ARHGAP36: variants seen among roughly 807,000 people sequenced by gnomAD.
ARHGAP36 encodes rho GTPase-activating protein 36.
A neutral mutation model predicts 32.9 loss-of-function variants in ARHGAP36; 7 were observed. The observed-to-expected ratio is 0.21, with a 90% CI of 0.12 to 0.40. The LOEUF (loss-of-function observed/expected upper bound fraction) is 0.40, where lower values mean the gene tolerates loss of function less well. Among genes scored for constraint, ARHGAP36 ranks in the 10% least tolerant of loss-of-function variants. The pLI is 1.00. For missense variants in ARHGAP36, 383 were observed against 442.2 expected, an observed-to-expected ratio of 0.87 and a Z score of 1.20; for synonymous variants, 165 against 168.3, an observed-to-expected ratio of 0.98 and a Z score of 0.15.
At chrX:131,058,823 G>C (rs2079654674) in intron 1 of ARHGAP36, among the ~76,000 whole-genome samples, 2 of 113,309 alleles carry the variant, frequency 1.8e-5, no homozygotes, top group Admixed American at 1.8e-4. Flanking sequence ...CAGGCCCCAG[G>C]GACCCTGAAG....
At chrX:131,066,031 G>GC (rs1304381558) in intron 1 of ARHGAP36, among the ~76,000 whole-genome samples, 7 of 111,047 alleles carry the variant, frequency 6.3e-5, no homozygotes, top group East Asian at 5.7e-4. Context: ...ATGACATCAT[G>GC]CCCCCCCATA....
chrX:131,076,776 C>T (rs926151265), intron 1 of ARHGAP36, among the ~76,000 whole-genome samples: 2 of 112,117 alleles, frequency 1.8e-5, no homozygotes, highest in Admixed American at 1.9e-4. Flanking sequence ...TCTCTGTGAG[C>T]CTCAGTTTTC....
chrX:131,082,936 T>A (rs960533811), intron 2 of ARHGAP36, among the ~76,000 whole-genome samples: 6 of 112,977 alleles, frequency 5.3e-5, no homozygotes, highest in Non-Finnish European at 1.1e-4. Flanking sequence ...GCGCATTAGA[T>A]TGTCTGGTTT....
intron 1 of ARHGAP36, among the ~76,000 whole-genome samples, chrX:131,077,144 G>A (rs1439656203): frequency 8.9e-6 from 1 of 112,617 alleles, no homozygotes; most frequent in Non-Finnish European, 1.9e-5. Flanking sequence ...TAATGTGTCA[G>A]CAGACCAAAC....
At chrX:131,061,742 T>C (rs2079670141) in intron 1 of ARHGAP36, among the ~76,000 whole-genome samples, 1 of 111,099 alleles carries the variant, frequency 9.0e-6, no homozygotes, top group African/African-American at 3.3e-5. Context: ...TGGCAGGACT[T>C]CCCCAATTTT....
At chrX:131,083,683 A>G in intron 3 of ARHGAP36, 51 bp from the exon 4 acceptor site, 1 of 1,145,073 alleles carries the variant, frequency 8.7e-7, no homozygotes, top group Non-Finnish European at 1.2e-6. Flanking sequence ...CTCCTGATTT[A>G]AGCGCTGCGA....
chrX:131,078,903 T>A, intron 1 of ARHGAP36: 1 of 301,075 alleles, frequency 3.3e-6, no homozygotes, highest in Non-Finnish European at 5.7e-6. Context: ...GGCTGACTCA[T>A]CTCTCAAAGG....
intron 11 of ARHGAP36, among the ~76,000 whole-genome samples, chrX:131,088,381 C>G (rs1246160330): frequency 8.9e-6 from 1 of 112,116 alleles, no homozygotes; most frequent in Non-Finnish European, 1.9e-5. Context: ...CGCAGGGTAT[C>G]TGTCTTACTC....
intron 1 of ARHGAP36, among the ~76,000 whole-genome samples, chrX:131,070,238 A>G (rs1209237401): frequency 1.8e-5 from 2 of 112,597 alleles, no homozygotes; most frequent in African/African-American, 6.4e-5. Context: ...GCAACTAAGA[A>G]GAAAGCCTCT....
chrX:131,058,980 G>C (rs2079655165), intron 1 of ARHGAP36, among the ~76,000 whole-genome samples: 1 of 112,325 alleles, frequency 8.9e-6, no homozygotes, highest in Non-Finnish European at 1.9e-5. Context: ...CCTGCCCAAG[G>C]TTACCCAACA....
At chrX:131,068,891 C>T (rs2079716973) in intron 1 of ARHGAP36, among the ~76,000 whole-genome samples, 1 of 111,716 alleles carries the variant, frequency 9.0e-6, no homozygotes, top group South Asian at 3.8e-4. Context: ...AATCCCCGAC[C>T]CCGCGCTGGA....
intron 1 of ARHGAP36, among the ~76,000 whole-genome samples, chrX:131,079,098 C>T (rs1169219590): frequency 8.9e-6 from 1 of 111,848 alleles, no homozygotes; most frequent in African/African-American, 3.3e-5. Context: ...AACTCCAAAA[C>T]AGGTACAAAA....
At chrX:131,069,705 G>A (rs1248524086) in intron 1 of ARHGAP36, among the ~76,000 whole-genome samples, 1 of 111,443 alleles carries the variant, frequency 9.0e-6, no homozygotes. Context: ...CCAATGATTT[G>A]GTGATGCCAT....
intron 11 of ARHGAP36, among the ~76,000 whole-genome samples, chrX:131,088,312 G>T (rs1368986113): frequency 4.5e-5 from 5 of 112,123 alleles, no homozygotes. Flanking sequence ...GGTGGTGGTG[G>T]TTATTAGGAG....
In ARHGAP36 at chrX:131,082,223, G is replaced by A. The variant is rs149225623; in HGVS notation, c.253+305G>A. ...GCCGGTGAAGAGACAGCCGCAGCAG[G>A]TGCGGTGCGAGAATAGGGCAGAGCG... On this transcript the variant is annotated intron_variant, in intron 2 of 11. Transcript: ENST00000276211. 9.0e-3 allele frequency among the ~76,000 whole-genome samples: 1,017 copies of A among 112,440 alleles called. 4 individuals carry two copies. The highest frequency in any genetic ancestry group is 0.014 in the Non-Finnish European group (771 of 53,191).
intron 11 of ARHGAP36, among the ~76,000 whole-genome samples, chrX:131,088,342 C>G (rs2079846792): frequency 8.9e-6 from 1 of 112,109 alleles, no homozygotes; most frequent in Admixed American, 9.4e-5. Context: ...TTACCTGTCT[C>G]CCTGGTGGTA....
rs774023708 is a variant in ARHGAP36 at position 131,083,278 on chromosome X, C to A, written c.319+48C>A. 20 of 1,148,216 alleles carry A rather than the reference C, an allele frequency of 1.7e-5. No homozygotes were observed. In the Admixed American group the frequency reaches 2.3e-4, roughly 13 times the overall value. 94.6% of individuals were successfully genotyped at this position (1,148,216 alleles called of 1,213,427 possible). A position where few individuals can be genotyped will look rare whatever the true frequency, so the allele number is the denominator to read the frequency against. ...TTTAGAAAAGAAATAGAATGCTAAC[C>A]CCCTGTGTAGTGTGGCCCTGGCTAT... is the stretch of plus-strand genomic sequence containing the variant. On this transcript the variant is annotated intron_variant, in intron 3 of 11. Transcript: ENST00000276211.
chrX:131,059,590 G>T (rs918054671), intron 1 of ARHGAP36, among the ~76,000 whole-genome samples: 8 of 111,741 alleles, frequency 7.2e-5, no homozygotes, highest in Admixed American at 1.9e-4. Flanking sequence ...ACCATCCCAG[G>T]AGTTTGACCT....
At chrX:131,084,103 C>A in intron 4 of ARHGAP36, 112 bp from the exon 5 acceptor site, 1 of 1,044,035 alleles carries the variant, frequency 9.6e-7, no homozygotes, top group Non-Finnish European at 1.3e-6. Flanking sequence ...GTGTCCTTGG[C>A]TTGCCACAAA....
Sources: allele counts gnomAD v4.1 joint callset (sites outside exome capture counted in the v4.1 genomes callset), GRCh38; gene constraint gnomAD v4.1.1; transcripts MANE v1.5; gene names NCBI Gene and HGNC (gene_info 2026-07-23, HGNC 2026-07-21).